TRAPPC13: variants seen among roughly 807,000 people sequenced by gnomAD.
TRAPPC13 encodes trafficking protein particle complex subunit 13, also known as REV7-interacting novel NHEJ regulator 1.
TRAPPC13 carries 39 observed loss-of-function variants against 54.0 expected under a neutral mutation model. The ratio of observed to expected loss-of-function variants is 0.72; its 90% CI spans 0.56 to 0.94. The LOEUF is 0.94. Among genes scored for constraint, TRAPPC13 ranks in the 40% least tolerant of loss-of-function variants. The pLI, the probability that TRAPPC13 is intolerant of heterozygous loss-of-function variation, is 0.00. For missense variants in TRAPPC13, 386 were observed against 488.1 expected (o/e 0.79, Z 1.97); for synonymous variants, 148 against 167.7 (o/e 0.88, Z 0.91).
chr5:65,655,816 A>G (rs1170191501), intron 8 of TRAPPC13, among the ~76,000 whole-genome samples, 163 bp downstream of exon 8: 1 of 151,860 alleles, frequency 6.6e-6, no homozygotes, highest in African/African-American at 2.4e-5. Context: ...GTACTTTTTA[A>G]TTATATCAAT....
chr5:65,653,677 A>G (rs1489114889), intron 7 of TRAPPC13, among the ~76,000 whole-genome samples: 1 of 152,164 alleles, frequency 6.6e-6, no homozygotes, highest in Non-Finnish European at 1.5e-5. Context: ...TGCAGGTTGG[A>G]AACAAGTGTC....
intron 1 of TRAPPC13, among the ~76,000 whole-genome samples, chr5:65,631,286 T>A (rs1755533680): frequency 6.6e-6 from 1 of 152,226 alleles, no homozygotes; most frequent in African/African-American, 2.4e-5. Context: ...AGCTTGATAA[T>A]GCATGGTAAA....
intron 1 of TRAPPC13, among the ~76,000 whole-genome samples, chr5:65,634,582 G>A (rs1391502064): frequency 6.6e-6 from 1 of 151,926 alleles, no homozygotes; most frequent in Non-Finnish European, 1.5e-5. Context: ...TTTCTACACA[G>A]AATTAATATT....
At chr5:65,647,471 T>C (rs1756256665) in intron 5 of TRAPPC13, among the ~76,000 whole-genome samples, 1 of 152,160 alleles carries the variant, frequency 6.6e-6, no homozygotes, top group African/African-American at 2.4e-5. Flanking sequence ...ACTCTAAAAG[T>C]AAATTTATTG....
intron 1 of TRAPPC13, chr5:65,629,778 C>T (rs1380739643): frequency 1.2e-5 from 19 of 1,535,956 alleles, no homozygotes; most frequent in Non-Finnish European, 1.5e-5. Flanking sequence ...TCTGAAGAGG[C>T]AGCTGAAGAT....
At chr5:65,630,217 A>G (rs1366664082) in intron 1 of TRAPPC13, 21 of 1,535,868 alleles carry the variant, frequency 1.4e-5, no homozygotes, top group Non-Finnish European at 1.8e-5. Flanking sequence ...ATTTAGGCCA[A>G]ATATGGGTGT....
At chr5:65,632,089 T>C (rs959345262) in intron 1 of TRAPPC13, among the ~76,000 whole-genome samples, 2 of 150,402 alleles carry the variant, frequency 1.3e-5, no homozygotes, top group Non-Finnish European at 3.0e-5. Flanking sequence ...CTACAAAAAC[T>C]ACAAAAATTA....
chr5:65,655,797 TA>T (rs1265929963), intron 8 of TRAPPC13, 144 bp downstream of exon 8: 2 of 290,618 alleles, frequency 6.9e-6, no homozygotes, highest in Non-Finnish European at 1.3e-5. Flanking sequence ...AGATTATATA[TA>T]ATTTTATGTA....
At chr5:65,633,008 T>G (rs1213615344) in intron 1 of TRAPPC13, among the ~76,000 whole-genome samples, 2 of 152,172 alleles carry the variant, frequency 1.3e-5, no homozygotes, top group Non-Finnish European at 2.9e-5. Flanking sequence ...CTAGACCTCA[T>G]GGAGTTTGGA....
In TRAPPC13 at chr5:65,633,695, CTT is replaced by C. The variant is rs1229299110; in HGVS notation, c.47-1604_47-1603del. Among the ~76,000 whole-genome samples the C allele has an allele frequency of 4.6e-5, 7 of 151,894 alleles. No homozygotes were observed. In the East Asian group the frequency reaches 1.3e-3, roughly 29 times the overall value. ...TATTTTGATGTGGTCAAACGACAGT[CTT>C]TAGAAGTAACTGAAAAAGATTTTTA... On this transcript the variant is annotated intron_variant, in intron 1 of 12. Coordinates refer to ENST00000399438, the MANE Select transcript of TRAPPC13 (RefSeq NM_024941.4).
Position 65,625,104 on chromosome 5 carries a change from A to T in TRAPPC13, c.44A>T (p.Lys15Ile). 1 of 1,613,544 alleles carries T rather than the reference A, an allele frequency of 6.2e-7. No homozygotes were observed. Among genetic ancestry groups the T allele is most frequent in the Non-Finnish European group, 8.5e-7 (1 of 1,179,520 alleles). The change falls in exon 1 of 13, where the codon AAA (lysine) becomes ATA (isoleucine). Residue 15 changes from lysine (K) to isoleucine (I), a missense_variant and splice_region_variant. Lys to Ile is a moderately radical substitution (Grantham distance 102). Coordinates refer to ENST00000399438, the MANE Select transcript of TRAPPC13 (RefSeq NM_024941.4). ...PPKQEHLLAL[K>I]VMRLTKPTLF... Reference sequence around the variant, plus strand: ...AAACAGGAGCACCTGCTGGCGCTAAAAGGTAAACTTTTGCGAACCTGATTC... The same window carrying T: ...AAACAGGAGCACCTGCTGGCGCTAATAGGTAAACTTTTGCGAACCTGATTC...
chr5:65,632,199 G>A (rs1755575243), intron 1 of TRAPPC13, among the ~76,000 whole-genome samples: 1 of 152,160 alleles, frequency 6.6e-6, no homozygotes, highest in Non-Finnish European at 1.5e-5. Flanking sequence ...AGGAGGTCAA[G>A]GCTGCAGTCA....
At chr5:65,652,610 C>T in intron 7 of TRAPPC13, 65 bp downstream of exon 7, 2 of 1,156,740 alleles carry the variant, frequency 1.7e-6, no homozygotes, top group Non-Finnish European at 2.6e-6. Flanking sequence ...CTAAAAATCT[C>T]TTATATACAT....
chr5:65,626,564 C>T (rs1755242200), intron 1 of TRAPPC13, among the ~76,000 whole-genome samples: 1 of 152,114 alleles, frequency 6.6e-6, no homozygotes, highest in South Asian at 2.1e-4. Flanking sequence ...AGTGAAACCC[C>T]GTCTCTATAA....
intron 9 of TRAPPC13, among the ~76,000 whole-genome samples, chr5:65,660,475 A>G (rs1380792689): frequency 3.3e-5 from 5 of 151,574 alleles, no homozygotes; most frequent in Admixed American, 6.6e-5. Flanking sequence ...TCCAATTACT[A>G]TAAAGAACCT....
intron 10 of TRAPPC13, 167 bp from the exon 11 acceptor site, chr5:65,661,883 C>T: frequency 2.0e-6 from 1 of 505,876 alleles, no homozygotes; most frequent in Non-Finnish European, 3.4e-6. Context: ...GCAGTAGCTG[C>T]AAAAGAATTT....
chr5:65,628,461 ATTT>A (rs753065631), intron 1 of TRAPPC13, among the ~76,000 whole-genome samples: 1 of 143,506 alleles, frequency 7.0e-6, no homozygotes. Context: ...AATCCATATA[ATTT>A]TTTTTTTTTT....
intron 1 of TRAPPC13, among the ~76,000 whole-genome samples, chr5:65,633,497 T>C (rs1755626055): frequency 6.6e-6 from 1 of 152,042 alleles, no homozygotes; most frequent in Non-Finnish European, 1.5e-5. Flanking sequence ...CTCGATCTCC[T>C]GACCTCGTGA....
intron 10 of TRAPPC13, 197 bp from the exon 11 acceptor site, chr5:65,661,853 T>G (rs1240643164): frequency 1.3e-5 from 6 of 478,762 alleles, no homozygotes; most frequent in Non-Finnish European, 7.3e-6. Flanking sequence ...ACAGTCCAGG[T>G]CTGCCAGGCT....
Sources: allele counts gnomAD v4.1 joint callset (sites outside exome capture counted in the v4.1 genomes callset), GRCh38; gene constraint gnomAD v4.1.1; transcripts MANE v1.5; gene names NCBI Gene and HGNC (gene_info 2026-07-23, HGNC 2026-07-21).